Variants in ITGA11 observed in about 807,000 individuals in gnomAD.
ITGA11 encodes integrin alpha-11.
In ITGA11, 97 loss-of-function variants were observed where a neutral mutation model predicts 141.9. The observed-to-expected ratio is 0.68, with a 90% CI of 0.58 to 0.81. The LOEUF is 0.81. Ranked by LOEUF, ITGA11 falls within the 30% of genes least tolerant of loss-of-function variation. ITGA11 has a pLI of 0.00. For synonymous variants in ITGA11, 658 were observed against 624.6 expected (o/e 1.05, Z -0.80); for missense variants, 1,387 against 1,559.2 (o/e 0.89, Z 1.86).
At chr15:68,427,170 C>T (rs1349927024) in intron 1 of ITGA11, among the ~76,000 whole-genome samples, 3 of 152,094 alleles carry the variant, frequency 2.0e-5, no homozygotes, top group African/African-American at 7.2e-5. Context: ...CTTTGTGCAA[C>T]TGTAGCAAGG....
At chr15:68,380,506 C>T (rs990246341) in intron 2 of ITGA11, among the ~76,000 whole-genome samples, 3 of 152,148 alleles carry the variant, frequency 2.0e-5, no homozygotes, top group African/African-American at 4.8e-5. Context: ...GACTTATACC[C>T]GATGAATTTA....
chr15:68,369,389 T>TGGGGGG, intron 2 of ITGA11, 105 bp from the exon 3 acceptor site: 1 of 38,336 alleles, frequency 2.6e-5, no homozygotes, highest in Non-Finnish European at 5.3e-5. Context: ...GTGGGGAGGG[T>TGGGGGG]GGGAGGGAAC....
rs751916986 is a variant in ITGA11 at position 68,315,667 on chromosome 15, C to T, written c.2776G>A (p.Glu926Lys). ...KSIFLHHLEI[E>K]LAAGSDSNER... ...GGCCCTGACCTGCCTGCAGCGAGCT[C>T]GATCTCCAGGTGGTGTAGGAAGATG... The change falls in exon 22 of 30, where the codon GAG becomes AAG. Residue 926 changes from glutamate (E) to lysine (K), a missense_variant. Glu to Lys is a moderately conservative substitution (Grantham distance 56, BLOSUM62 1). Transcript: ENST00000315757. 8.1e-6 allele frequency: 13 copies of T among 1,613,234 alleles called. No individual in the cohort carries two copies. Among genetic ancestry groups the T allele is most frequent in the Non-Finnish European group, 1.1e-5 (13 of 1,179,614 alleles).
intron 3 of ITGA11, among the ~76,000 whole-genome samples, chr15:68,365,799 C>T (rs1895404471): frequency 2.0e-5 from 3 of 151,752 alleles, no homozygotes; most frequent in African/African-American, 7.3e-5. Flanking sequence ...GGAGTGGCAC[C>T]ATCGTGGCTC....
At chr15:68,376,114 G>A (rs910790287) in intron 2 of ITGA11, among the ~76,000 whole-genome samples, 1 of 152,172 alleles carries the variant, frequency 6.6e-6, no homozygotes, top group Non-Finnish European at 1.5e-5. Context: ...TTTATATGGG[G>A]GAAACAGAGG....
intron 2 of ITGA11, among the ~76,000 whole-genome samples, chr15:68,401,027 A>C (rs1022954669): frequency 3.6e-5 from 5 of 139,742 alleles, no homozygotes; most frequent in African/African-American, 1.3e-4. Flanking sequence ...CACACAACAC[A>C]ATCTTTACAA....
intron 2 of ITGA11, among the ~76,000 whole-genome samples, chr15:68,398,831 A>AC (rs1896392384): frequency 1.7e-3 from 1 of 594 alleles, no homozygotes; most frequent in Non-Finnish European, 3.3e-3. Flanking sequence ...TATAAAATAT[A>AC]AATATTTTAT....
rs561233192 is a variant in ITGA11 at position 68,301,019 on chromosome 15, C to T, written c.*2040G>A. 2.0e-5 allele frequency: 3 copies of T among 152,272 alleles called. No homozygotes were observed. The highest frequency in any genetic ancestry group is 3.9e-4 in the East Asian group (2 of 5,180). The allele number at this position is 152,272 out of a possible 1,614,324, so 9.4% of individuals were successfully genotyped here. On this transcript the variant is annotated 3_prime_UTR_variant, in exon 30 of 30. Coordinates refer to ENST00000315757, the MANE Select transcript of ITGA11 (RefSeq NM_001004439.2). The surrounding 1 kb of genome is among the most constrained non-coding windows in gnomAD (Gnocchi z 4.4). ...GTTACCCCATTCATAAGAGTGATGA[C>T]GGAAATGGAATATGATTTAGCAACA...
At chr15:68,401,042 CA>C (rs1215683765) in intron 2 of ITGA11, among the ~76,000 whole-genome samples, 8 of 140,980 alleles carry the variant, frequency 5.7e-5, no homozygotes. Flanking sequence ...TTACAATGGG[CA>C]AAAGACCTGA....
In ITGA11 at chr15:68,331,913, T is replaced by TC; in HGVS notation, c.1715dup (p.Ala573SerfsTer17). On this transcript the variant is annotated frameshift_variant, in exon 14 of 30. Coordinates refer to ENST00000315757, the MANE Select transcript of ITGA11 (RefSeq NM_001004439.2). LOFTEE classifies it high-confidence loss of function. The stretch of plus-strand genomic sequence containing the variant: ...GGAAGCCGTGGAAGATGTAGATGGC[T>TC]CCTGCGTGGTTGTCCTCCAGGGGGG... 1 of 1,613,440 alleles carries TC rather than the reference T, an allele frequency of 6.2e-7. No homozygotes were observed. Among genetic ancestry groups the TC allele is most frequent in the Non-Finnish European group, 8.5e-7 (1 of 1,179,768 alleles).
At position 68,339,507 on chromosome 15, in the gene ITGA11, T is replaced by G; in HGVS notation, c.1269A>C (p.Ala423=). The change falls in exon 11 of 30, where the codon GCA becomes GCC. Residue 423 remains alanine, a synonymous_variant. Coordinates refer to ENST00000315757, the MANE Select transcript of ITGA11 (RefSeq NM_001004439.2). The part of the protein sequence containing the change: ...EFPEELKNHG[A]YLGYTVTSVV... ...CTCACTCTGCGCTCTTACCCAGGTA[T>G]GCACCATGGTTCTTGAGCTCCTCGG... 1 of 1,613,134 alleles carries G rather than the reference T, an allele frequency of 6.2e-7. No homozygotes were observed. The highest frequency in any genetic ancestry group is 8.5e-7 in the Non-Finnish European group (1 of 1,179,550).
chr15:68,327,963 A>C (rs1173924512), intron 16 of ITGA11, 133 bp downstream of exon 16: 1 of 779,332 alleles, frequency 1.3e-6, no homozygotes, highest in Non-Finnish European at 2.0e-6. Flanking sequence ...GGGATCCAGT[A>C]GTCATCCAAG....
chr15:68,409,069 C>T (rs543216939), intron 1 of ITGA11, among the ~76,000 whole-genome samples: 1 of 152,232 alleles, frequency 6.6e-6, no homozygotes, highest in Non-Finnish European at 1.5e-5. Flanking sequence ...TTGAATTGAA[C>T]TGGATCAAGA....
chr15:68,390,048 G>A (rs1357098013), intron 2 of ITGA11, among the ~76,000 whole-genome samples: 1 of 152,228 alleles, frequency 6.6e-6, no homozygotes. Flanking sequence ...TTAAAAAGCA[G>A]GGGCAGAGAA....
At chr15:68,319,581 G>T (rs371172150) in intron 20 of ITGA11, among the ~76,000 whole-genome samples, 8 of 152,346 alleles carry the variant, frequency 5.3e-5, no homozygotes, top group African/African-American at 1.9e-4. Context: ...TCTGACAGCA[G>T]CTGGGAGTGA....
chr15:68,335,155 C>T lies in ITGA11; in HGVS notation c.1425+542G>A, dbSNP rs1262910882. Among the ~76,000 whole-genome samples the T allele has an allele frequency of 6.6e-6, 1 of 151,932 alleles. No homozygotes were observed. Among genetic ancestry groups the T allele is most frequent in the African/African-American group, 2.4e-5 (1 of 41,356 alleles). ...ACAGATGCTGCTGGTTAGGAGGAGC[C>T]CAGGCCTGATTTTGGGGTTATTTGG... On this transcript the variant is annotated intron_variant, in intron 12 of 29. Coordinates refer to ENST00000315757, the MANE Select transcript of ITGA11 (RefSeq NM_001004439.2). This position sits in a 1 kb window ranked among gnomAD's most constrained non-coding sequence, Gnocchi z 4.9.
rs779967657 is a variant in ITGA11, at chr15:68,328,299, G to A, written c.1902-37C>T. 1.3e-6 allele frequency: 2 copies of A among 1,591,012 alleles called. No homozygotes were observed. The highest frequency in any genetic ancestry group is 2.2e-5 in the East Asian group (1 of 44,536). ...GGGCCAGTGAGCTGGGGTGGGGCAGGGGCTCAGGCTGCCCTGCTGTGACCA... is the reference window on the plus strand; with the variant it reads ...GGGCCAGTGAGCTGGGGTGGGGCAGAGGCTCAGGCTGCCCTGCTGTGACCA... On this transcript the variant is annotated intron_variant, in intron 15 of 29. Coordinates refer to ENST00000315757, the MANE Select transcript of ITGA11 (RefSeq NM_001004439.2). This position sits in a 1 kb window ranked among gnomAD's most constrained non-coding sequence, Gnocchi z 4.8.
intron 1 of ITGA11, among the ~76,000 whole-genome samples, chr15:68,426,471 G>A (rs1313473977): frequency 6.6e-6 from 1 of 152,124 alleles, no homozygotes; most frequent in East Asian, 1.9e-4. Flanking sequence ...GTGGGGAGAG[G>A]GGAGAGGGAG....
At chr15:68,415,996 C>A (rs539656456) in intron 1 of ITGA11, among the ~76,000 whole-genome samples, 30 of 152,310 alleles carry the variant, frequency 2.0e-4, no homozygotes, top group Non-Finnish European at 3.2e-4. Context: ...CCCTTTCAGC[C>A]AGGCCCTGGC....
Sources: allele counts gnomAD v4.1 joint callset (sites outside exome capture counted in the v4.1 genomes callset), GRCh38; gene constraint gnomAD v4.1.1; non-coding constraint Gnocchi (gnomAD v3.1); transcripts MANE v1.5; gene names NCBI Gene and HGNC (gene_info 2026-07-23, HGNC 2026-07-21).